The following CREB5 variants were observed in gnomAD, a reference collection of about 807,000 sequenced individuals.
The protein encoded by CREB5 is cyclic AMP-responsive element-binding protein 5.
In CREB5, 19 loss-of-function variants were observed where a neutral mutation model predicts 57.1. The observed-to-expected ratio is 0.33, with a 90% CI of 0.23 to 0.49. The LOEUF (loss-of-function observed/expected upper bound fraction) is 0.49, where lower values mean the gene tolerates loss of function less well. Among genes scored for constraint, CREB5 ranks in the 20% least tolerant of loss-of-function variants. The pLI, the probability that CREB5 is intolerant of heterozygous loss-of-function variation, is 0.99. For synonymous variants in CREB5, 238 were observed against 238.3 expected (o/e 1.00, Z 0.01); for missense variants, 579 against 671.6 (o/e 0.86, Z 1.52).
intron 5 of CREB5, among the ~76,000 whole-genome samples, chr7:28,688,452 T>A (rs1304769889): frequency 6.6e-6 from 1 of 152,242 alleles, no homozygotes; most frequent in African/African-American, 2.4e-5. Flanking sequence ...AAAGATTGCA[T>A]GACTACTTGA....
chr7:28,783,972 G>C (rs1272844310), intron 7 of CREB5, among the ~76,000 whole-genome samples: 1 of 152,178 alleles, frequency 6.6e-6, no homozygotes, highest in African/African-American at 2.4e-5. Context: ...ACCCACCAAC[G>C]AGTGATAACA....
chr7:28,574,168 GA>G (rs1258863205), intron 5 of CREB5, among the ~76,000 whole-genome samples: 2 of 152,090 alleles, frequency 1.3e-5, no homozygotes, highest in African/African-American at 4.8e-5. Context: ...TTCCCAGATG[GA>G]AAAAAAGAGT....
chr7:28,505,203 C>T (rs368155293), intron 3 of CREB5, among the ~76,000 whole-genome samples: 69 of 118,694 alleles, frequency 5.8e-4, no homozygotes, highest in African/African-American at 1.6e-3. Flanking sequence ...TGCACACACA[C>T]GCACACACAC....
At chr7:28,354,750 C>A (rs140908298) in intron 1 of CREB5, among the ~76,000 whole-genome samples, 10 of 152,308 alleles carry the variant, frequency 6.6e-5, no homozygotes, top group African/African-American at 2.4e-4. Context: ...GTTTTCCCAG[C>A]CATTTGGCAA....
Position 28,412,747 on chromosome 7 carries a change from T to G in CREB5, c.-168T>G, listed in dbSNP as rs1005832749. 3 of 493,036 alleles carry G rather than the reference T, an allele frequency of 6.1e-6. No individual in the cohort carries two copies. Among genetic ancestry groups the G allele is most frequent in the African/African-American group, 5.9e-5 (3 of 50,768 alleles). The allele number at this position is 493,036 out of a possible 1,614,324, so 30.5% of individuals were successfully genotyped here. The stretch of plus-strand genomic sequence containing the variant: ...AAAATACCAGACCTGTTCTTTTTAC[T>G]AAAAGCTAGTTTCACTATCTTCTGG... On this transcript the variant is annotated 5_prime_UTR_variant, in exon 1 of 11. Transcript: ENST00000357727.
chr7:28,592,692 G>A (rs1413571588), intron 5 of CREB5, among the ~76,000 whole-genome samples: 2 of 152,142 alleles, frequency 1.3e-5, no homozygotes, highest in African/African-American at 4.8e-5. Context: ...ACCTGTTCAA[G>A]TGCCGTGGCC....
chr7:28,332,389 G>A (rs1343581741), intron 1 of CREB5, among the ~76,000 whole-genome samples: 1 of 152,164 alleles, frequency 6.6e-6, no homozygotes. Context: ...CTCTACCCTA[G>A]TCTCCAAAAG....
intron 7 of CREB5, among the ~76,000 whole-genome samples, chr7:28,743,383 A>T (rs1345585668): frequency 6.6e-6 from 1 of 152,120 alleles, no homozygotes. Flanking sequence ...AAATACAAAA[A>T]TTAGCTGGGT....
At chr7:28,803,672 C>A (rs1808504930) in intron 7 of CREB5, among the ~76,000 whole-genome samples, 1 of 148,332 alleles carries the variant, frequency 6.7e-6, no homozygotes, top group Non-Finnish European at 1.5e-5. Context: ...CAGAGAATTG[C>A]TTGAAGCTGG....
intron 1 of CREB5, among the ~76,000 whole-genome samples, chr7:28,389,607 T>G (rs1787175391): frequency 6.6e-6 from 1 of 151,360 alleles, no homozygotes; most frequent in Admixed American, 6.6e-5. Context: ...TAGAGGGCGC[T>G]ATTGATATTG....
Position 28,809,249 on chromosome 7 carries a change from G to T in CREB5, c.1089G>T (p.Gly363=). Residue 363 remains glycine (G), a synonymous_variant, in exon 9 of 11, where the codon GGG becomes GGT. Transcript: ENST00000357727. ...CAATACAGCCACCCCAGCCCACAGG[G>T]GGGCGCCGGCGAAGGGTGGTAGACG... The part of the protein sequence containing the change: ...TQTIQPPQPT[G]GRRRRVVDED... 6.2e-7 allele frequency: 1 copy of T among 1,614,156 alleles called. No individual in the cohort carries two copies.
At chr7:28,330,865 T>C (rs1433275407) in intron 1 of CREB5, among the ~76,000 whole-genome samples, 2 of 152,176 alleles carry the variant, frequency 1.3e-5, no homozygotes, top group Non-Finnish European at 2.9e-5. Context: ...TATTATGACA[T>C]TGGTGCGTCA....
intron 1 of CREB5, among the ~76,000 whole-genome samples, chr7:28,343,169 T>C (rs1032870410): frequency 6.6e-6 from 1 of 152,318 alleles, no homozygotes; most frequent in Middle Eastern, 3.4e-3. Flanking sequence ...CTCGATCTCC[T>C]GACTTTGTGA....
intron 7 of CREB5, among the ~76,000 whole-genome samples, chr7:28,756,958 A>T (rs1251025878): frequency 6.6e-6 from 1 of 152,236 alleles, no homozygotes; most frequent in Non-Finnish European, 1.5e-5. Flanking sequence ...AAGATTGTAT[A>T]GTCAACTGTT....
At chr7:28,458,575 C>T (rs1044165537) in intron 1 of CREB5, among the ~76,000 whole-genome samples, 3 of 152,152 alleles carry the variant, frequency 2.0e-5, no homozygotes, top group African/African-American at 4.8e-5. Context: ...AGGGCTGTGT[C>T]AAGAGAGGGA....
At chr7:28,516,592 C>T (rs763871701) in intron 4 of CREB5, among the ~76,000 whole-genome samples, 10 of 152,298 alleles carry the variant, frequency 6.6e-5, no homozygotes, top group Middle Eastern at 3.4e-3. Flanking sequence ...CATCAGGCAG[C>T]CTTACTGCAG....
intron 3 of CREB5, among the ~76,000 whole-genome samples, chr7:28,497,417 A>G (rs919668232): frequency 6.6e-6 from 1 of 152,230 alleles, no homozygotes; most frequent in Non-Finnish European, 1.5e-5. Context: ...ATTTGGGGAA[A>G]AGTAATTCTA....
chr7:28,643,561 T>A (rs1798765977), intron 5 of CREB5, among the ~76,000 whole-genome samples: 2 of 152,174 alleles, frequency 1.3e-5, no homozygotes, highest in African/African-American at 4.8e-5. Flanking sequence ...AAGTCCTCCC[T>A]ATCCTGTGTT....
chr7:28,420,644 T>C lies in CREB5; in HGVS notation c.3+7727T>C, dbSNP rs972162356. On this transcript the variant is annotated intron_variant, in intron 1 of 10. Coordinates refer to ENST00000357727, the MANE Select transcript of CREB5 (RefSeq NM_182898.4). The stretch of plus-strand genomic sequence containing the variant: ...CAATATGGTGAAACCCCTTCTCTAC[T>C]AAAAATACAAAAAATTAGCCGGGCA... Among the ~76,000 whole-genome samples the C allele has an allele frequency of 2.6e-5, 4 of 151,252 alleles. 1 individual carries two copies. The highest frequency in any genetic ancestry group is 4.4e-5 in the Non-Finnish European group (3 of 67,794).
Sources: gnomAD v4.1 joint callset for allele counts (sites outside exome capture counted in the v4.1 genomes callset) on GRCh38, gnomAD v4.1.1 for gene constraint, MANE v1.5 for transcripts, NCBI Gene and HGNC (gene_info 2026-07-23, HGNC 2026-07-21) for gene names.